The following ALG14 variants were observed in gnomAD, a reference collection of about 807,000 sequenced individuals.
ALG14 encodes ALG14 UDP-N-acetylglucosaminyltransferase subunit, also known as UDP-N-acetylglucosamine transferase subunit ALG14.
ALG14 carries 17 observed loss-of-function variants against 22.8 expected under a neutral mutation model. The ratio of observed to expected loss-of-function variants is 0.75; its 90% CI spans 0.51 to 1.12. The LOEUF is 1.12. Ranked by LOEUF, ALG14 falls within the 50% of genes most tolerant of loss-of-function variation. ALG14 has a pLI of 0.00. For synonymous variants in ALG14, 89 were observed against 103.7 expected, an observed-to-expected ratio of 0.86 and a Z score of 0.86; for missense variants, 288 against 271.8, an observed-to-expected ratio of 1.06 and a Z score of -0.42.
At position 94,978,587 on chromosome 1, in the gene ALG14, G is replaced by A. The variant is rs576340250; in HGVS notation, c.*4489C>T. On this transcript the variant is annotated 3_prime_UTR_variant, in exon 4 of 4. Coordinates refer to ENST00000370205, the MANE Select transcript of ALG14 (RefSeq NM_144988.4). ...ACTAACCTTTGGTATGGGTGGCTAT[G>A]TCACAGAGTTATTTAGAGAATTTGC... 3 of 152,322 alleles carry A rather than the reference G, an allele frequency of 2.0e-5. No individual in the cohort carries two copies. Among genetic ancestry groups the A allele is most frequent in the African/African-American group, 4.8e-5 (2 of 41,572 alleles). 9.4% of individuals were successfully genotyped at this position (152,322 alleles called of 1,614,324 possible). A position where few individuals can be genotyped will look rare whatever the true frequency, so the allele number is the denominator to read the frequency against.
intron 3 of ALG14, among the ~76,000 whole-genome samples, chr1:95,005,696 C>A (rs547984341): frequency 6.6e-6 from 1 of 152,228 alleles, no homozygotes; most frequent in East Asian, 1.9e-4. Flanking sequence ...CAAAACTGGA[C>A]CCCGTCCTCC....
intron 3 of ALG14, among the ~76,000 whole-genome samples, chr1:95,026,927 G>A (rs1029572631): frequency 2.0e-5 from 3 of 152,136 alleles, no homozygotes; most frequent in African/African-American, 7.2e-5. Context: ...GATAAACTGG[G>A]TGGCTTATAA....
chr1:95,011,478 T>A (rs1203394195), intron 3 of ALG14, among the ~76,000 whole-genome samples: 1 of 150,576 alleles, frequency 6.6e-6, no homozygotes, highest in Non-Finnish European at 1.5e-5. Flanking sequence ...CAGGCTGGAG[T>A]ATAGTGGTGT....
rs551524692 is a variant in ALG14, at chr1:95,039,080, T to G, written c.289-11820A>C. ...TCATGAAGAGATTCCTGATCTAACT[T>G]GTGCAGGATATAAAATTTTCTAAGT... is the stretch of plus-strand genomic sequence containing the variant. On this transcript the variant is annotated intron_variant, in intron 2 of 3. Coordinates refer to ENST00000370205, the MANE Select transcript of ALG14 (RefSeq NM_144988.4). 1.8e-4 allele frequency among the ~76,000 whole-genome samples: 28 copies of G among 152,244 alleles called. No homozygotes were observed. The South Asian group carries it at 4.6e-3, about 25-fold the overall frequency.
chr1:94,994,886 TA>T (rs1361922801), intron 3 of ALG14, among the ~76,000 whole-genome samples: 2 of 152,208 alleles, frequency 1.3e-5, no homozygotes, highest in Non-Finnish European at 2.9e-5. Flanking sequence ...ATTATTACAG[TA>T]ATATGGATTA....
chr1:95,013,282 T>C (rs892925589), intron 3 of ALG14, among the ~76,000 whole-genome samples: 3 of 152,094 alleles, frequency 2.0e-5, no homozygotes, highest in African/African-American at 2.4e-5. Flanking sequence ...TATTCACTTA[T>C]CCTAGCCCTC....
At chr1:95,001,644 C>T (rs1386813364) in intron 3 of ALG14, among the ~76,000 whole-genome samples, 1 of 152,108 alleles carries the variant, frequency 6.6e-6, no homozygotes, top group Non-Finnish European at 1.5e-5. Flanking sequence ...TACAGGTGTG[C>T]ACCACCATGT....
intron 2 of ALG14, among the ~76,000 whole-genome samples, chr1:95,060,237 T>C (rs1354541292): frequency 6.6e-6 from 1 of 151,694 alleles, no homozygotes; most frequent in Non-Finnish European, 1.5e-5. Flanking sequence ...AACAGCTCAT[T>C]TGCATCTCTG....
intron 3 of ALG14, among the ~76,000 whole-genome samples, chr1:95,025,286 T>C (rs1248279370): frequency 6.6e-6 from 1 of 152,198 alleles, no homozygotes; most frequent in Non-Finnish European, 1.5e-5. Context: ...GTCTCTTGAG[T>C]AGTAGGTCTC....
chr1:95,016,685 C>T (rs1303149449), intron 3 of ALG14, among the ~76,000 whole-genome samples: 3 of 152,154 alleles, frequency 2.0e-5, no homozygotes, highest in Non-Finnish European at 4.4e-5. Flanking sequence ...CCACTGCCTT[C>T]ATTTATATGG....
At chr1:95,012,489 A>G (rs911441213) in intron 3 of ALG14, among the ~76,000 whole-genome samples, 4 of 152,210 alleles carry the variant, frequency 2.6e-5, no homozygotes, top group African/African-American at 9.6e-5. Context: ...GTGGAGTCCA[A>G]TAAGATTTTG....
At chr1:95,026,993 A>C (rs1571621180) in intron 3 of ALG14, 136 bp downstream of exon 3, 1 of 1,108,448 alleles carries the variant, frequency 9.0e-7, no homozygotes, top group Non-Finnish European at 1.3e-6. Flanking sequence ...AGATCAAGGC[A>C]CCAGCCAGTT....
chr1:95,016,236 G>C (rs573906532), intron 3 of ALG14, among the ~76,000 whole-genome samples: 2 of 152,176 alleles, frequency 1.3e-5, no homozygotes, highest in South Asian at 4.1e-4. Context: ...TGTGGTCAGA[G>C]AGCTGAACCT....
chr1:95,065,422 A>C (rs1675324814), intron 1 of ALG14, among the ~76,000 whole-genome samples: 1 of 152,210 alleles, frequency 6.6e-6, no homozygotes, highest in Non-Finnish European at 1.5e-5. Flanking sequence ...CTTAAAAATA[A>C]GGAAGAACCC....
At chr1:95,043,214 T>C in intron 2 of ALG14, among the ~76,000 whole-genome samples, 1 of 152,210 alleles carries the variant, frequency 6.6e-6, no homozygotes, top group African/African-American at 2.4e-5. Flanking sequence ...CTTTAGAGGC[T>C]TTCCTCAAAT....
intron 1 of ALG14, 78 bp from the exon 2 acceptor site, chr1:95,065,095 A>T: frequency 4.6e-6 from 6 of 1,310,640 alleles, no homozygotes; most frequent in Non-Finnish European, 6.1e-6. Flanking sequence ...TACCAATATC[A>T]TGGTTTCAGG....
chr1:94,979,290 G>GAAAAAAAAAAAAAAA lies in ALG14; in HGVS notation c.*3771_*3785dup, dbSNP rs66813692. 1.7e-4 allele frequency: 13 copies of GAAAAAAAAAAAAAAA among 76,438 alleles called. No individual in the cohort carries two copies. The highest frequency in any genetic ancestry group is 2.6e-4 in the Non-Finnish European group (10 of 38,638). 4.7% of individuals were successfully genotyped at this position (76,438 alleles called of 1,614,324 possible). Reference sequence around the variant, plus strand: ...CTGGGCGATGGAGCGAGACTGTCTCGAAAAAAAAAAAAAAAAAAAAAAAAG... The same window carrying GAAAAAAAAAAAAAAA: ...CTGGGCGATGGAGCGAGACTGTCTCGAAAAAAAAAAAAAAAAAAAAAAAAAAAAAAAAAAAAAAAG... On this transcript the variant is annotated 3_prime_UTR_variant, in exon 4 of 4. Transcript: ENST00000370205.
intron 1 of ALG14, among the ~76,000 whole-genome samples, chr1:95,072,230 G>A (rs1675588332): frequency 6.6e-6 from 1 of 152,176 alleles, no homozygotes; most frequent in East Asian, 1.9e-4. Context: ...AGCACCTACA[G>A]AGTTGGTGGA....
rs1064795061 is a variant in ALG14 at position 94,983,301 on chromosome 1, CA to C, written c.425del (p.Leu142CysfsTer21). The C allele has an allele frequency of 6.2e-7, 1 of 1,613,086 alleles. No individual in the cohort carries two copies. The highest frequency in any genetic ancestry group is 8.5e-7 in the Non-Finnish European group (1 of 1,179,528). ...LIHRVKPDLVLCNGPGTCVPI... is the reference protein window; with the variant it reads ...LIHRVKPDLVXCNGPGTCVPI... Reference sequence around the variant, plus strand: ...GAACACATGTTCCTGGTCCGTTACACAACACCTGAAAGAAAAAGTTGAAGGT... The same window carrying C: ...GAACACATGTTCCTGGTCCGTTACACACACCTGAAAGAAAAAGTTGAAGGT... On this transcript the variant is annotated frameshift_variant, in exon 4 of 4. Coordinates refer to ENST00000370205, the MANE Select transcript of ALG14 (RefSeq NM_144988.4). LOFTEE classifies it high-confidence loss of function.
Sources: gnomAD v4.1 joint callset for allele counts (sites outside exome capture counted in the v4.1 genomes callset) on GRCh38, gnomAD v4.1.1 for gene constraint, MANE v1.5 for transcripts, NCBI Gene and HGNC (gene_info 2026-07-23, HGNC 2026-07-21) for gene names.